PCTP: variants seen among roughly 807,000 people sequenced by gnomAD.
PCTP encodes the protein phosphatidylcholine transfer protein.
PCTP carries 27 observed loss-of-function variants against 31.0 expected under a neutral mutation model. The ratio of observed to expected loss-of-function variants is 0.87; its 90% confidence interval spans 0.64 to 1.20. The LOEUF (loss-of-function observed/expected upper bound fraction) is 1.20. Ranked by LOEUF, PCTP falls within the 50% of genes most tolerant of loss-of-function variation. The probability of loss-of-function intolerance (pLI) is 0.00; values close to 1 mark genes in which losing one functional copy is unlikely to be tolerated. For synonymous variants in PCTP, 108 were observed against 101.2 expected, an observed-to-expected ratio of 1.07 and a Z score of -0.40; for missense variants, 287 against 268.2, an observed-to-expected ratio of 1.07 and a Z score of -0.49.
intron 3 of PCTP, among the ~76,000 whole-genome samples, chr17:55,810,797 TTG>T (rs1912727881): frequency 6.6e-6 from 1 of 152,242 alleles, no homozygotes; most frequent in South Asian, 2.1e-4. Flanking sequence ...GAACTATGTG[TTG>T]AGCTAATGGG....
At chr17:55,816,560 T>C (rs573996164) in intron 3 of PCTP, among the ~76,000 whole-genome samples, 44 of 152,350 alleles carry the variant, frequency 2.9e-4, no homozygotes, top group African/African-American at 1.0e-3. Flanking sequence ...CCATTACCCA[T>C]GGCGTGTTAA....
intron 5 of PCTP, chr17:55,775,161 ACAAT>A: frequency 1.7e-6 from 2 of 1,181,684 alleles, no homozygotes; most frequent in Non-Finnish European, 2.2e-6. Flanking sequence ...CTTAGTAGGA[ACAAT>A]AGTGCCTTTG....
At chr17:55,800,700 C>G (rs150480794) in intron 3 of PCTP, among the ~76,000 whole-genome samples, 1 of 152,100 alleles carries the variant, frequency 6.6e-6, no homozygotes, top group South Asian at 2.1e-4. Context: ...AACATTTCAT[C>G]AAAACCTAGT....
At chr17:55,765,353 G>T (rs1221080644) in intron 1 of PCTP, among the ~76,000 whole-genome samples, 2 of 152,086 alleles carry the variant, frequency 1.3e-5, no homozygotes, top group African/African-American at 4.8e-5. Context: ...TACCCCAAAA[G>T]CCCACCAATC....
At chr17:55,771,850 G>A (rs1247731076) in intron 3 of PCTP, among the ~76,000 whole-genome samples, 4 of 152,152 alleles carry the variant, frequency 2.6e-5, no homozygotes, top group African/African-American at 9.7e-5. Context: ...GGGTAGGATG[G>A]AAGTAGGATG....
the PCTP span, among the ~76,000 whole-genome samples, chr17:55,852,507 C>T: frequency 6.6e-6 from 1 of 152,112 alleles, no homozygotes; most frequent in Non-Finnish European, 1.5e-5. Flanking sequence ...ATGTTTGAAC[C>T]TCATTTATTG....
At chr17:55,751,416 G>C in intron 1 of PCTP, 172 bp downstream of exon 1, 1 of 1,534,360 alleles carries the variant, frequency 6.5e-7, no homozygotes, top group African/African-American at 1.4e-5. Flanking sequence ...CAGGGGCGGT[G>C]CCTCCAAGTG....
chr17:55,761,888 A>G (rs1057130231), intron 1 of PCTP, among the ~76,000 whole-genome samples: 2 of 152,142 alleles, frequency 1.3e-5, no homozygotes, highest in Non-Finnish European at 2.9e-5. Flanking sequence ...CTGTCAGTCT[A>G]CTTTTTTACC....
At chr17:55,841,351 G>T (rs949004827) in intron 5 of PCTP, among the ~76,000 whole-genome samples, 1 of 152,218 alleles carries the variant, frequency 6.6e-6, no homozygotes, top group African/African-American at 2.4e-5. Flanking sequence ...TTCCACAGAG[G>T]AGAGGTTGTG....
At chr17:55,780,640 A>T (rs1911531386), downstream of PCTP, among the ~76,000 whole-genome samples, 1 of 152,218 alleles carries the variant, frequency 6.6e-6, no homozygotes, top group South Asian at 2.1e-4. Context: ...GAAAACTTGG[A>T]GTCACTCATA....
At chr17:55,843,777 GAATAGAGT>G (rs1444017422), downstream of PCTP, among the ~76,000 whole-genome samples, 1 of 152,132 alleles carries the variant, frequency 6.6e-6, no homozygotes, top group African/African-American at 2.4e-5. Context: ...CCAGCTTCCA[GAATAGAGT>G]AATAGTTCTT....
chr17:55,774,011 C>T (rs1323118403), intron 4 of PCTP, 116 bp downstream of exon 4: 3 of 1,253,850 alleles, frequency 2.4e-6, no homozygotes, highest in Non-Finnish European at 3.2e-6. Context: ...AGAGGACAGG[C>T]AAAGCTGCAG....
chr17:55,824,006 C>T (rs1432234197), downstream of PCTP, among the ~76,000 whole-genome samples: 2 of 152,206 alleles, frequency 1.3e-5, no homozygotes, highest in African/African-American at 2.4e-5. Flanking sequence ...CTCCTTGCTG[C>T]CAATTAGATC....
intron 5 of PCTP, among the ~76,000 whole-genome samples, chr17:55,833,238 C>T (rs1905665213): frequency 6.6e-6 from 1 of 151,884 alleles, no homozygotes; most frequent in Admixed American, 6.6e-5. Flanking sequence ...AACTTGAGAC[C>T]CAATAGACGT....
intron 1 of PCTP, among the ~76,000 whole-genome samples, chr17:55,763,430 G>A (rs1910448698): frequency 6.6e-6 from 1 of 150,602 alleles, no homozygotes; most frequent in Admixed American, 6.6e-5. Context: ...TTATCTGTAA[G>A]AAAACATTTG....
In PCTP at chr17:55,751,129, C is replaced by T. The variant is rs771733539; in HGVS notation, c.26C>T (p.Ser9Leu). 17 of 1,543,802 alleles carry T rather than the reference C, an allele frequency of 1.1e-5. No individual in the cohort carries two copies. The East Asian group carries it at 3.7e-4, about 33-fold the overall frequency. The change falls in exon 1 of 6, where the codon TCG becomes TTG. Residue 9 changes from serine to leucine, a missense_variant. By Grantham distance (145) the Ser-to-Leu change is moderately radical. Coordinates refer to ENST00000268896, the MANE Select transcript of PCTP (RefSeq NM_021213.4). Reference sequence around the variant, plus strand: ...ATGGAGCTGGCCGCCGGAAGCTTCTCGGAGGAGCAGTTCTGGGAGGCCTGC... The same window carrying T: ...ATGGAGCTGGCCGCCGGAAGCTTCTTGGAGGAGCAGTTCTGGGAGGCCTGC... MELAAGSF[S>L]EEQFWEACAE...
chr17:55,793,502 A>G (rs1358252394), intron 3 of PCTP, among the ~76,000 whole-genome samples: 1 of 151,964 alleles, frequency 6.6e-6, no homozygotes, highest in Non-Finnish European at 1.5e-5. Context: ...TCAATTGAAA[A>G]CCACTTCCTA....
chr17:55,767,767 T>TTTGC (rs1253042555), intron 2 of PCTP, among the ~76,000 whole-genome samples: 2 of 144,616 alleles, frequency 1.4e-5, no homozygotes, highest in Admixed American at 7.4e-5. Flanking sequence ...ACCCAGTGCT[T>TTTGC]TTTTTTTTTT....
chr17:55,756,050 T>C (rs16956374), intron 1 of PCTP, among the ~76,000 whole-genome samples: 8,897 of 152,244 alleles, frequency 0.058, 255 homozygotes, highest in Admixed American at 0.065. Context: ...GGGAAAAGCA[T>C]GGATTTTGGA....
Sources: gnomAD v4.1 joint callset for allele counts (sites outside exome capture counted in the v4.1 genomes callset) on GRCh38, gnomAD v4.1.1 for gene constraint, MANE v1.5 for transcripts, NCBI Gene and HGNC (gene_info 2026-07-23, HGNC 2026-07-21) for gene names.